Variants in UPRT observed in about 807,000 individuals in gnomAD.
UPRT encodes the protein RP11-311P8.3.
In UPRT, 5 loss-of-function variants were observed where a neutral mutation model predicts 22.6. The ratio of observed to expected loss-of-function variants is 0.22; its 90% CI spans 0.12 to 0.47. The LOEUF (loss-of-function observed/expected upper bound fraction) is 0.47. UPRT is among the 20% of genes least tolerant of loss of function. The probability of loss-of-function intolerance (pLI) is 0.99; values close to 1 mark genes in which losing one functional copy is unlikely to be tolerated. For missense variants in UPRT, 181 were observed against 239.9 expected, an observed-to-expected ratio of 0.75 and a Z score of 1.62; for synonymous variants, 77 against 87.7, an observed-to-expected ratio of 0.88 and a Z score of 0.68.
At chrX:75,236,883 G>T (rs1223718490) in intron 4 of UPRT, among the ~76,000 whole-genome samples, 2 of 112,226 alleles carry the variant, frequency 1.8e-5, no homozygotes, top group African/African-American at 6.5e-5. Context: ...CAGGACATAG[G>T]CATGGCAAGG....
intron 4 of UPRT, among the ~76,000 whole-genome samples, chrX:75,190,374 T>C (rs1442450010): frequency 8.9e-6 from 1 of 112,050 alleles, no homozygotes; most frequent in Non-Finnish European, 1.9e-5. Context: ...CTTTCGTTTG[T>C]GGGTAACCCG....
At chrX:75,198,263 A>G (rs1212015846) in intron 4 of UPRT, among the ~76,000 whole-genome samples, 1 of 112,881 alleles carries the variant, frequency 8.9e-6, no homozygotes, top group African/African-American at 3.2e-5. Context: ...ACCATTTTAT[A>G]TGGAGTTCTA....
intron 1 of UPRT, among the ~76,000 whole-genome samples, chrX:75,280,786 T>G (rs1602489804): frequency 9.0e-6 from 1 of 111,287 alleles, no homozygotes; most frequent in African/African-American, 3.3e-5. Context: ...ATTTTAGAAT[T>G]GTTTTTTCTA....
intron 2 of UPRT, 101 bp from the exon 3 acceptor site, chrX:75,296,241 C>T: frequency 7.5e-6 from 6 of 796,192 alleles, no homozygotes; most frequent in Non-Finnish European, 1.1e-5. Context: ...AAACCTTTGC[C>T]TAGTGTGTTC....
chrX:75,220,778 C>T (rs890942976), intron 4 of UPRT, among the ~76,000 whole-genome samples: 2 of 111,475 alleles, frequency 1.8e-5, no homozygotes, highest in African/African-American at 3.3e-5. Context: ...GTACTGTCTA[C>T]GTCTTAAAAA....
chrX:75,260,653 G>C (rs769297217), intron 4 of UPRT, among the ~76,000 whole-genome samples: 1 of 111,224 alleles, frequency 9.0e-6, no homozygotes, highest in Non-Finnish European at 1.9e-5. Context: ...CAATAATAAC[G>C]GGAGACTTTA....
chrX:75,187,078 A>C (rs1462332829), intron 4 of UPRT, among the ~76,000 whole-genome samples: 1 of 110,810 alleles, frequency 9.0e-6, no homozygotes, highest in Non-Finnish European at 1.9e-5. Flanking sequence ...ATGTTAGCTG[A>C]TTATTTTGCT....
At chrX:75,245,989 C>T (rs968448915) in intron 4 of UPRT, among the ~76,000 whole-genome samples, 1 of 111,302 alleles carries the variant, frequency 9.0e-6, no homozygotes, top group Non-Finnish European at 1.9e-5. Flanking sequence ...TATATAAAAA[C>T]GAATTGACTT....
At chrX:75,294,199 A>G (rs181702959) in intron 2 of UPRT, among the ~76,000 whole-genome samples, 53 of 111,398 alleles carry the variant, frequency 4.8e-4, no homozygotes, top group African/African-American at 1.6e-3. Context: ...TCCACAGCAG[A>G]AAATACATTA....
intron 4 of UPRT, among the ~76,000 whole-genome samples, chrX:75,192,450 G>A (rs2082318895): frequency 1.8e-5 from 2 of 111,279 alleles, no homozygotes; most frequent in Non-Finnish European, 3.8e-5. Flanking sequence ...TTTTTGGGTG[G>A]AGAGTTTTGT....
intron 4 of UPRT, among the ~76,000 whole-genome samples, chrX:75,249,349 A>C (rs966664551): frequency 1.1e-4 from 12 of 111,640 alleles, no homozygotes; most frequent in Non-Finnish European, 2.1e-4. Flanking sequence ...GCTCAAAATA[A>C]AGGGATGGAG....
intron 4 of UPRT, among the ~76,000 whole-genome samples, chrX:75,180,802 A>G (rs1327888842): frequency 1.0e-5 from 1 of 98,931 alleles, no homozygotes; most frequent in Non-Finnish European, 2.0e-5. Flanking sequence ...TTTTTACCAT[A>G]CTATACGTTG....
chrX:75,289,633 T>C (rs1370706944), intron 1 of UPRT, among the ~76,000 whole-genome samples: 1 of 110,026 alleles, frequency 9.1e-6, no homozygotes, highest in Non-Finnish European at 1.9e-5. Context: ...TAGAACAGAG[T>C]AGAGAACCCA....
intron 4 of UPRT, among the ~76,000 whole-genome samples, chrX:75,204,278 G>C (rs1009752532): frequency 2.7e-5 from 3 of 111,808 alleles, no homozygotes; most frequent in African/African-American, 9.8e-5. Flanking sequence ...TGTACAGGCT[G>C]TTGGGTATAT....
intron 4 of UPRT, among the ~76,000 whole-genome samples, chrX:75,233,859 A>G (rs2082449263): frequency 9.0e-6 from 1 of 111,157 alleles, no homozygotes; most frequent in Admixed American, 9.6e-5. Context: ...CATCGAGACT[A>G]GGAAGAAACT....
At chrX:75,216,201 G>C (rs903150845) in intron 4 of UPRT, among the ~76,000 whole-genome samples, 1 of 112,138 alleles carries the variant, frequency 8.9e-6, no homozygotes, top group Non-Finnish European at 1.9e-5. Context: ...GGCATGCAAA[G>C]TTAGTTCAAC....
chrX:75,184,566 G>A (rs772924563), intron 4 of UPRT, among the ~76,000 whole-genome samples: 1 of 108,057 alleles, frequency 9.3e-6, no homozygotes, highest in African/African-American at 3.4e-5. Context: ...GTGAAGAAAG[G>A]CATTGGTAGC....
At chrX:75,295,993 C>G (rs1274430422) in intron 2 of UPRT, among the ~76,000 whole-genome samples, 3 of 111,629 alleles carry the variant, frequency 2.7e-5, no homozygotes, top group Non-Finnish European at 5.7e-5. Flanking sequence ...GCACTATTTC[C>G]AGAATAATAA....
At chrX:75,193,346 T>C (rs773834460) in intron 4 of UPRT, among the ~76,000 whole-genome samples, 2 of 112,347 alleles carry the variant, frequency 1.8e-5, no homozygotes, top group South Asian at 7.5e-4. Flanking sequence ...GTTAGCCTGA[T>C]GGCCTTCCCT....
Sources: gnomAD v4.1 joint callset for allele counts (sites outside exome capture counted in the v4.1 genomes callset) on GRCh38, gnomAD v4.1.1 for gene constraint, MANE v1.5 for transcripts, NCBI Gene and HGNC (gene_info 2026-07-23, HGNC 2026-07-21) for gene names.